DRC7: variants seen among roughly 807,000 people sequenced by gnomAD.
DRC7 encodes the protein dynein regulatory complex subunit 7, also known as coiled-coil domain containing 135.
DRC7 carries 80 observed loss-of-function variants against 104.4 expected under a neutral mutation model. The observed-to-expected ratio is 0.77, with a 90% CI of 0.64 to 0.92. The LOEUF is 0.92. DRC7 is among the 40% of genes least tolerant of loss of function. The probability of loss-of-function intolerance (pLI) is 0.00; values close to 1 mark genes in which losing one functional copy is unlikely to be tolerated. For synonymous variants in DRC7, 405 were observed against 447.3 expected, an observed-to-expected ratio of 0.91 and a Z score of 1.19; for missense variants, 1,034 against 1,141.1, an observed-to-expected ratio of 0.91 and a Z score of 1.35.
At chr16:57,727,102 T>C in intron 15 of DRC7, 160 bp downstream of exon 15, 1 of 648,396 alleles carries the variant, frequency 1.5e-6, no homozygotes, top group Non-Finnish European at 2.7e-6. Context: ...CTGGGACCAC[T>C]AGCGCACACC....
rs2048626886 is a variant in DRC7, at chr16:57,698,918, A to G, written c.272A>G (p.Glu91Gly). The G allele has an allele frequency of 6.2e-7, 1 of 1,614,186 alleles. No homozygotes were observed. Among genetic ancestry groups the G allele is most frequent in the African/African-American group, 1.3e-5 (1 of 75,050 alleles). ...TCCTACAAAACCAACACACCCAAGG[A>G]GGAACACCTGCTGCAGGTGGCAGAC... The part of the protein sequence containing the change: ...PISYKTNTPK[E>G]EHLLQVADNF... The change falls in exon 4 of 19, where the codon GAG becomes GGG. Residue 91 changes from glutamate to glycine, a missense_variant. By Grantham distance (98) the Glu-to-Gly change is moderately conservative. Transcript: ENST00000360716.
Position 57,698,004 on chromosome 16 carries a change from G to A in DRC7, c.55G>A (p.Ala19Thr), listed in dbSNP as rs746267695. ...EEEEEAEREE[A>T]AEWAEWARME... ...GGAGGAGGAGGCCGAGCGGGAGGAG[G>A]CGGCCGAGTGGGCTGAATGGGCGAG... is the stretch of plus-strand genomic sequence containing the variant. The change falls in exon 3 of 19, where the codon GCG becomes ACG. Residue 19 changes from alanine (A) to threonine (T), a missense_variant. Physicochemically the swap from Ala to Thr is moderately conservative, Grantham distance 58. Coordinates refer to ENST00000360716, the MANE Select transcript of DRC7 (RefSeq NM_001289162.2). 6.2e-7 allele frequency: 1 copy of A among 1,613,762 alleles called. No homozygotes were observed. Among genetic ancestry groups the A allele is most frequent in the South Asian group, 1.1e-5 (1 of 91,068 alleles).
chr16:57,721,760 C>T (rs757262398), intron 10 of DRC7, 21 bp downstream of exon 10: 2 of 1,590,674 alleles, frequency 1.3e-6, no homozygotes, highest in East Asian at 2.2e-5. Flanking sequence ...TTTGTGTATT[C>T]ACTTATCCTC....
At chr16:57,718,225 C>T in intron 8 of DRC7, 122 bp from the exon 9 acceptor site, 1 of 1,301,830 alleles carries the variant, frequency 7.7e-7, no homozygotes, top group Non-Finnish European at 1.1e-6. Context: ...GTTCTGCTTC[C>T]CCAAGCCCTG....
Position 57,722,772 on chromosome 16 carries a change from G to A in DRC7, c.1339G>A (p.Glu447Lys), listed in dbSNP as rs766876798. 1 of 1,613,922 alleles carries A rather than the reference G, an allele frequency of 6.2e-7. No homozygotes were observed. Among genetic ancestry groups the A allele is most frequent in the East Asian group, 2.2e-5 (1 of 44,878 alleles). ...GATTCAGTACAAGAGGGCAAAGCTG[G>A]AGAAGTGGGCCCCGTACCTCAATAG... ...KVIQYKRAKLEKWAPYLNSNG... is the reference protein window; with the variant it reads ...KVIQYKRAKLKKWAPYLNSNG... Residue 447 changes from glutamate to lysine, a missense_variant, in exon 11 of 19, where the codon GAG (glutamate) becomes AAG (lysine). Glu to Lys is a moderately conservative substitution (Grantham distance 56). Transcript: ENST00000360716.
intron 7 of DRC7, 150 bp downstream of exon 7, chr16:57,705,184 GCAGGAATCTCC>G (rs1462585309): frequency 3.9e-5 from 36 of 924,854 alleles, no homozygotes; most frequent in Admixed American, 2.6e-4. Flanking sequence ...ACCTGGCCCT[GCAGGAATCTCC>G]CACTGGTGGT....
intron 5 of DRC7, 89 bp downstream of exon 5, chr16:57,700,359 G>C (rs2048644391): frequency 2.0e-6 from 3 of 1,497,628 alleles, no homozygotes; most frequent in Non-Finnish European, 2.7e-6. Flanking sequence ...CCAAAGAATG[G>C]ACTTAGAGGC....
intron 11 of DRC7, 45 bp downstream of exon 11, chr16:57,722,886 C>T (rs577971428): frequency 2.9e-5 from 47 of 1,612,196 alleles, no homozygotes; most frequent in African/African-American, 1.9e-4. Context: ...AGCCCAGGGG[C>T]GGGGGCGGCT....
chr16:57,723,373 A>G (rs1446500897), intron 12 of DRC7, among the ~76,000 whole-genome samples: 1 of 152,216 alleles, frequency 6.6e-6, no homozygotes, highest in Non-Finnish European at 1.5e-5. Context: ...GGGGCGCCAC[A>G]TACCCGTTCT....
At chr16:57,696,338 CAT>C (rs1259487107) in intron 1 of DRC7, 124 bp from the exon 2 acceptor site, 1 of 152,306 alleles carries the variant, frequency 6.6e-6, no homozygotes, top group Non-Finnish European at 1.5e-5. Context: ...CTTTAGCCCT[CAT>C]GTGTGGCCAC....
At chr16:57,729,512 G>A (rs2148777524) in intron 17 of DRC7, among the ~76,000 whole-genome samples, 1 of 145,960 alleles carries the variant, frequency 6.9e-6, no homozygotes. Context: ...ATGAGTGGGT[G>A]GGTGGATGGA....
At chr16:57,729,449 GGTGGGTGGATGA>G in intron 17 of DRC7, among the ~76,000 whole-genome samples, 2 of 143,968 alleles carry the variant, frequency 1.4e-5, no homozygotes, top group Admixed American at 6.9e-5. Flanking sequence ...TGGATGGATG[GGTGGGTGGATGA>G]GTGAGTGGGT....
chr16:57,699,252 G>T (rs372239600), intron 4 of DRC7, among the ~76,000 whole-genome samples: 1 of 152,206 alleles, frequency 6.6e-6, no homozygotes, highest in African/African-American at 2.4e-5. Flanking sequence ...CCATGCCCCC[G>T]CCTAAAGAGG....
intron 1 of DRC7, among the ~76,000 whole-genome samples, chr16:57,695,490 A>G (rs962143678): frequency 3.9e-5 from 6 of 152,334 alleles, no homozygotes; most frequent in Admixed American, 1.3e-4. Context: ...CACAGGTCTG[A>G]CACACAGTAG....
At chr16:57,722,911 G>A (rs2148766244) in intron 11 of DRC7, 70 bp downstream of exon 11, 2 of 1,612,596 alleles carry the variant, frequency 1.2e-6, no homozygotes, top group Non-Finnish European at 1.7e-6. Flanking sequence ...CTCTCTCTGG[G>A]GTCATTGCTG....
intron 6 of DRC7, 66 bp from the exon 7 acceptor site, chr16:57,704,810 C>G (rs1165288393): frequency 1.3e-5 from 20 of 1,575,832 alleles, no homozygotes; most frequent in Non-Finnish European, 1.7e-5. Flanking sequence ...GGTCTCACCT[C>G]TTGGAGTTGC....
chr16:57,725,858 G>A, intron 13 of DRC7: 1 of 567,932 alleles, frequency 1.8e-6, no homozygotes, highest in South Asian at 2.1e-5. Flanking sequence ...AGCTGAGGAG[G>A]GGCCCAGCAC....
rs548835707 is a variant in DRC7 at position 57,727,111 on chromosome 16, C to T, written c.2085+169C>T. ...AGGTAACTGGGACCACTAGCGCACA[C>T]CACCATGCCTGGCTAATTTCTTGTT... On this transcript the variant is annotated intron_variant, in intron 15 of 18. Coordinates refer to ENST00000360716, the MANE Select transcript of DRC7 (RefSeq NM_001289162.2). 1,515 of 648,224 alleles carry T rather than the reference C, an allele frequency of 2.3e-3. 18 individuals are homozygous for T. Among genetic ancestry groups the T allele is most frequent in the South Asian group, 0.015 (812 of 53,308 alleles). The allele number at this position is 648,224 out of a possible 1,614,324, so 40.2% of individuals were successfully genotyped here. A position where few individuals can be genotyped will look rare whatever the true frequency, so the allele number is the denominator to read the frequency against.
intron 13 of DRC7, chr16:57,725,825 G>A (rs2048955691): frequency 3.9e-6 from 2 of 514,610 alleles, no homozygotes. Context: ...ATCTCTTGAG[G>A]TAGGCAAGCA....
Sources: allele counts gnomAD v4.1 joint callset (sites outside exome capture counted in the v4.1 genomes callset), GRCh38; gene constraint gnomAD v4.1.1; transcripts MANE v1.5; gene names NCBI Gene and HGNC (gene_info 2026-07-23, HGNC 2026-07-21).